Variants in FSHR observed in about 807,000 individuals in gnomAD.
The protein encoded by FSHR is follicle stimulating hormone receptor.
Under a neutral mutation model 52.1 loss-of-function variants are expected in FSHR, and 46 were observed. That is an observed-to-expected ratio of 0.88 (90% CI 0.70 to 1.13). The LOEUF is 1.13. FSHR is among the 50% of genes most tolerant of loss of function. The pLI is 0.00. For missense variants in FSHR, 964 were observed against 834.6 expected (o/e 1.16, Z -1.91); for synonymous variants, 399 against 309.6 (o/e 1.29, Z -3.03).
intron 2 of FSHR, among the ~76,000 whole-genome samples, chr2:49,040,497 CTCTG>C (rs1253957230): frequency 3.9e-5 from 6 of 152,118 alleles, no homozygotes; most frequent in Non-Finnish European, 5.9e-5. Context: ...AGGCAAGGAA[CTCTG>C]TCTGTTTTGT....
chr2:49,061,637 TAA>T lies in FSHR; in HGVS notation c.224+6580_224+6581del, dbSNP rs1445798742. Among the ~76,000 whole-genome samples the T allele has an allele frequency of 9.7e-5, 14 of 144,106 alleles. No individual in the cohort carries two copies. The East Asian group carries it at 9.9e-4, about 10-fold the overall frequency. 94.5% of individuals were successfully genotyped at this position (144,106 alleles called of 152,430 possible). A position where few individuals can be genotyped will look rare whatever the true frequency, so the allele number is the denominator to read the frequency against. On this transcript the variant is annotated intron_variant, in intron 2 of 9. Coordinates refer to ENST00000406846, the MANE Select transcript of FSHR (RefSeq NM_000145.4). Reference sequence around the variant, plus strand: ...AGATATATAAAAATACATATATCTATAATATATATAACTATATATAACTATAT... The same window carrying T: ...AGATATATAAAAATACATATATCTATTATATATAACTATATATAACTATAT...
chr2:49,021,144 C>T (rs1025986637), intron 2 of FSHR, among the ~76,000 whole-genome samples: 9 of 152,154 alleles, frequency 5.9e-5, no homozygotes, highest in African/African-American at 2.2e-4. Context: ...TCCCTTTCCA[C>T]TCCATGCCAT....
intron 1 of FSHR, among the ~76,000 whole-genome samples, chr2:49,137,426 C>G (rs1044580652): frequency 6.6e-6 from 1 of 152,034 alleles, no homozygotes; most frequent in African/African-American, 2.4e-5. Context: ...CTAAACTAGT[C>G]TATAGGTTGA....
At position 49,140,418 on chromosome 2, in the gene FSHR, C is replaced by T. The variant is rs146782866; in HGVS notation, c.152+13848G>A. On this transcript the variant is annotated intron_variant, in intron 1 of 9. Coordinates refer to ENST00000406846, the MANE Select transcript of FSHR (RefSeq NM_000145.4). ...AAGCTCCCTGAGGTCTCCCCAGAAA[C>T]TGAGTGATATCAGCTCTATGCTTTC... 5.3e-3 allele frequency among the ~76,000 whole-genome samples: 811 copies of T among 152,282 alleles called. 5 individuals are homozygous for T. Among genetic ancestry groups the T allele is most frequent in the African/African-American group, 0.018 (742 of 41,554 alleles).
intron 4 of FSHR, among the ~76,000 whole-genome samples, chr2:49,005,859 G>C (rs983015930): frequency 3.3e-5 from 5 of 152,130 alleles, no homozygotes; most frequent in African/African-American, 1.2e-4. Flanking sequence ...GGGTGTGTTT[G>C]AAAGGGTGTT....
chr2:49,086,564 AT>A (rs772248494), intron 1 of FSHR, among the ~76,000 whole-genome samples: 3 of 152,122 alleles, frequency 2.0e-5, no homozygotes, highest in Admixed American at 6.6e-5. Context: ...CCTGCGGAAG[AT>A]TTTTCATACT....
intron 1 of FSHR, among the ~76,000 whole-genome samples, chr2:49,096,035 A>G (rs1214592541): frequency 2.0e-5 from 3 of 152,222 alleles, no homozygotes; most frequent in Non-Finnish European, 4.4e-5. Context: ...AAATTAATGT[A>G]GCTGCATTAG....
intron 4 of FSHR, among the ~76,000 whole-genome samples, chr2:49,010,826 G>A (rs1373037281): frequency 2.0e-5 from 3 of 152,112 alleles, no homozygotes; most frequent in South Asian, 2.1e-4. Context: ...AGAGGTGTTT[G>A]TAGTATTCTC....
intron 2 of FSHR, among the ~76,000 whole-genome samples, chr2:49,020,527 G>C (rs1572642964): frequency 1.3e-5 from 2 of 150,640 alleles, no homozygotes; most frequent in African/African-American, 4.9e-5. Context: ...TTTTTTTACA[G>C]GGCTAGATAG....
At chr2:49,015,982 T>C (rs1251434226) in intron 4 of FSHR, among the ~76,000 whole-genome samples, 1 of 152,162 alleles carries the variant, frequency 6.6e-6, no homozygotes, top group Admixed American at 6.5e-5. Flanking sequence ...TGTTTCTTTT[T>C]CAGACCCTTT....
chr2:49,063,262 T>C (rs1669378792), intron 2 of FSHR, among the ~76,000 whole-genome samples: 1 of 152,148 alleles, frequency 6.6e-6, no homozygotes, highest in Admixed American at 6.6e-5. Flanking sequence ...TAATATGAAC[T>C]GAGTGTTTGC....
intron 8 of FSHR, among the ~76,000 whole-genome samples, chr2:48,976,962 GT>G (rs1675017720): frequency 6.6e-6 from 1 of 151,968 alleles, no homozygotes; most frequent in African/African-American, 2.4e-5. Context: ...TTTTTGAGGG[GT>G]TTTTCGTGTC....
intron 1 of FSHR, among the ~76,000 whole-genome samples, chr2:49,077,205 T>C (rs564352243): frequency 6.6e-6 from 1 of 152,384 alleles, no homozygotes. Flanking sequence ...TTTCCATACA[T>C]CTTCTGAAAT....
rs557210049 is a variant in FSHR at position 49,068,050 on chromosome 2, A to G, written c.224+169T>C. 5.3e-5 allele frequency among the ~76,000 whole-genome samples: 8 copies of G among 150,966 alleles called. No individual in the cohort carries two copies. In the South Asian group the frequency reaches 8.4e-4, roughly 16 times the overall value. On this transcript the variant is annotated intron_variant, in intron 2 of 9. Transcript: ENST00000406846. ...CAATGGCCTCAGTGAAAGACTCCACACTATCATTTAGGAACCATGGTAACA... is the reference window on the plus strand; with the variant it reads ...CAATGGCCTCAGTGAAAGACTCCACGCTATCATTTAGGAACCATGGTAACA...
intron 2 of FSHR, among the ~76,000 whole-genome samples, chr2:49,031,842 A>G (rs13009434): frequency 0.28 from 42,656 of 152,136 alleles, 6,859 homozygotes; most frequent in Non-Finnish European, 0.36. Flanking sequence ...ATTCTTTATG[A>G]AATAGTTACA....
intron 1 of FSHR, among the ~76,000 whole-genome samples, chr2:49,109,252 G>T (rs1330072568): frequency 6.6e-6 from 1 of 152,156 alleles, no homozygotes; most frequent in African/African-American, 2.4e-5. Flanking sequence ...GCGGCTTGGT[G>T]TTGCAGGAGC....
At position 49,150,745 on chromosome 2, in the gene FSHR, A is replaced by G. The variant is rs1453064783; in HGVS notation, c.152+3521T>C. Among the ~76,000 whole-genome samples, 4 of 152,022 alleles carry G rather than the reference A, an allele frequency of 2.6e-5. No homozygotes were observed. The East Asian group carries it at 7.7e-4, about 29-fold the overall frequency. On this transcript the variant is annotated intron_variant, in intron 1 of 9. Coordinates refer to ENST00000406846, the MANE Select transcript of FSHR (RefSeq NM_000145.4). ...GCTCCCCTAGTTTAGTACTTTCTCCATGGTGCCATGGTGCCTCAGGCTGCC... is the reference window on the plus strand; with the variant it reads ...GCTCCCCTAGTTTAGTACTTTCTCCGTGGTGCCATGGTGCCTCAGGCTGCC...
At chr2:49,131,045 A>G (rs952583122) in intron 1 of FSHR, among the ~76,000 whole-genome samples, 1 of 152,214 alleles carries the variant, frequency 6.6e-6, no homozygotes. Context: ...AAGACAGCTT[A>G]ACAGAGTGAT....
Position 49,000,233 on chromosome 2 carries a change from A to G in FSHR, c.375-9596T>C, listed in dbSNP as rs75923669. ...TGTAACTACGCTAGGGTTGTAAATG[A>G]TATCAGTCTCAAGGTCAGTTTCCTA... On this transcript the variant is annotated intron_variant, in intron 4 of 9. Transcript: ENST00000406846. Among the ~76,000 whole-genome samples the G allele has an allele frequency of 3.2e-3, 488 of 152,252 alleles. 6 individuals carry two copies. Among genetic ancestry groups the G allele is most frequent in the African/African-American group, 0.011 (476 of 41,568 alleles).
Sources: allele counts gnomAD v4.1 joint callset (sites outside exome capture counted in the v4.1 genomes callset), GRCh38; gene constraint gnomAD v4.1.1; transcripts MANE v1.5; gene names NCBI Gene and HGNC (gene_info 2026-07-23, HGNC 2026-07-21).